MKI67: variants seen among roughly 807,000 people sequenced by gnomAD.
MKI67 encodes proliferation marker protein Ki-67.
In MKI67, 152 loss-of-function variants were observed where a neutral mutation model predicts 233.5. The observed-to-expected ratio is 0.65, with a 90% confidence interval of 0.57 to 0.74. The LOEUF is 0.74. Among genes scored for constraint, MKI67 ranks in the 30% least tolerant of loss-of-function variants. The pLI is 0.00. For synonymous variants in MKI67, 1,465 were observed against 1,418.5 expected (o/e 1.03, Z -0.74); for missense variants, 3,940 against 3,885.2 (o/e 1.01, Z -0.37).
chr10:128,116,447 C>A (rs368574413), intron 6 of MKI67, 44 bp downstream of exon 6: 2 of 1,570,860 alleles, frequency 1.3e-6, no homozygotes, highest in East Asian at 2.2e-5. Context: ...TTCGCAAAGA[C>A]CTGATCTTTC....
intron 13 of MKI67, 118 bp downstream of exon 13, chr10:128,102,461 A>G: frequency 7.7e-7 from 1 of 1,296,426 alleles, no homozygotes; most frequent in Admixed American, 2.1e-5. Context: ...TCAGTGTTAA[A>G]GGAAACCCTC....
In MKI67 at chr10:128,098,789, A is replaced by T. The variant is rs539007235; in HGVS notation, c.*401T>A. 1 of 157,790 alleles carries T rather than the reference A, an allele frequency of 6.3e-6. No homozygotes were observed. Among genetic ancestry groups the T allele is most frequent in the East Asian group, 1.9e-4 (1 of 5,340 alleles). 9.8% of individuals were successfully genotyped at this position (157,790 alleles called of 1,614,324 possible). On this transcript the variant is annotated 3_prime_UTR_variant, in exon 15 of 15. Transcript: ENST00000368654. ...ATTCGTGTTTACCGAGTGCCTGCTC[A>T]GTGTTGGGACAGACGAGGATAGTTG...
chr10:128,125,734 G>GGT lies in MKI67; in HGVS notation c.-68_-67insAC. 5.1e-6 allele frequency: 7 copies of GGT among 1,361,830 alleles called. No homozygotes were observed. Among genetic ancestry groups the GGT allele is most frequent in the Non-Finnish European group, 7.4e-6 (7 of 950,884 alleles). The allele number at this position is 1,361,830 out of a possible 1,614,324, so 84.4% of individuals were successfully genotyped here. A position where few individuals can be genotyped will look rare whatever the true frequency, so the allele number is the denominator to read the frequency against. ...AGGTATAATCCGTAGGGGAAGGCCA[G>GGT]AAGCAAATTTACAACTCTTCCACTG... On this transcript the variant is annotated 5_prime_UTR_variant, in exon 2 of 15. Coordinates refer to ENST00000368654, the MANE Select transcript of MKI67 (RefSeq NM_002417.5). The surrounding 1 kb of genome is among the most constrained non-coding windows in gnomAD (Gnocchi z 5.3).
intron 14 of MKI67, among the ~76,000 whole-genome samples, chr10:128,100,061 A>G (rs1183501831): frequency 6.6e-6 from 1 of 151,982 alleles, no homozygotes; most frequent in Non-Finnish European, 1.5e-5. Flanking sequence ...TTATTGTAAG[A>G]CTCGACGGGT....
In MKI67 at chr10:128,108,974, G is replaced by T; in HGVS notation, c.2866C>A (p.Gln956Lys). The part of the protein sequence containing the change: ...KAMKRSRTWG[Q>K]KCAPMSDLTD... The stretch of plus-strand genomic sequence containing the variant: ...AGGTCAGACATTGGTGCACATTTCT[G>T]CCCCCAAGTTCTTGATCTCTTCATT... The change falls in exon 13 of 15, where the codon CAG (glutamine) becomes AAG (lysine). Residue 956 changes from glutamine to lysine, a missense_variant. By Grantham distance (53) the Gln-to-Lys change is moderately conservative (BLOSUM62 1). Coordinates refer to ENST00000368654, the MANE Select transcript of MKI67 (RefSeq NM_002417.5). 1.2e-6 allele frequency: 2 copies of T among 1,614,140 alleles called. No homozygotes were observed. Among genetic ancestry groups the T allele is most frequent in the South Asian group, 1.1e-5 (1 of 91,082 alleles).
At position 128,108,576 on chromosome 10, in the gene MKI67, C is replaced by A. The variant is rs751214256; in HGVS notation, c.3264G>T (p.Trp1088Cys). The change falls in exon 13 of 15, where the codon TGG (tryptophan) becomes TGT (cysteine). Residue 1088 changes from tryptophan (W) to cysteine (C), a missense_variant. Coordinates refer to ENST00000368654, the MANE Select transcript of MKI67 (RefSeq NM_002417.5). ...GGGCCTCTTCCTTAGGCGTTCTTGG[C>A]CACTTCTTCATTCCAGTTACACGGG... is the stretch of plus-strand genomic sequence containing the variant. ...PAARVTGMKKWPRTPKEEAQS... is the reference protein window; with the variant it reads ...PAARVTGMKKCPRTPKEEAQS... 7 of 1,614,070 alleles carry A rather than the reference C, an allele frequency of 4.3e-6. No individual in the cohort carries two copies. In the Admixed American group the frequency reaches 6.7e-5, roughly 15 times the overall value.
At position 128,103,565 on chromosome 10, in the gene MKI67, C is replaced by T; in HGVS notation, c.8275G>A (p.Glu2759Lys). The change falls in exon 13 of 15, where the codon GAA (glutamate) becomes AAA (lysine). Residue 2759 changes from glutamate to lysine, a missense_variant. Coordinates refer to ENST00000368654, the MANE Select transcript of MKI67 (RefSeq NM_002417.5). ...TTCAATGCTTTGATGCCTTTATCTT[C>T]ACCTGCTGGTTCTTTGTCTGCATCC... Reference protein sequence around the residue: ...TTDADKEPAGEDKGIKALKES... With the variant: ...TTDADKEPAGKDKGIKALKES... The T allele has an allele frequency of 1.2e-6, 2 of 1,613,974 alleles. No individual in the cohort carries two copies. Among genetic ancestry groups the T allele is most frequent in the South Asian group, 2.2e-5 (2 of 91,076 alleles).
chr10:128,112,488 T>C lies in MKI67; in HGVS notation c.1657-43A>G, dbSNP rs781200260. 3.2e-6 allele frequency: 5 copies of C among 1,566,066 alleles called. No homozygotes were observed. The South Asian group carries it at 5.6e-5, about 18-fold the overall frequency. Reference sequence around the variant, plus strand: ...TTTACAAGAAGCCTTAACAAGGATCTAACATCTCTGGAATGACTGATAAAA... The same window carrying C: ...TTTACAAGAAGCCTTAACAAGGATCCAACATCTCTGGAATGACTGATAAAA... On this transcript the variant is annotated intron_variant, in intron 8 of 14. Transcript: ENST00000368654.
At chr10:128,123,190 T>C (rs1666565280) in intron 2 of MKI67, 21 bp from the exon 3 acceptor site, 4 of 1,569,062 alleles carry the variant, frequency 2.5e-6, no homozygotes, top group Middle Eastern at 1.7e-4. Flanking sequence ...AAGAAGAAGG[T>C]TTTTTTGGTT....
rs199593811 is a variant in MKI67 at position 128,107,390 on chromosome 10, T to C, written c.4450A>G (p.Thr1484Ala). 3.7e-4 allele frequency: 591 copies of C among 1,613,728 alleles called. 4 individuals are homozygous for C. The highest frequency in any genetic ancestry group is 1.1e-3 in the South Asian group (98 of 91,060). ...FQTPVCTDKP[T>A]THEKTTKIAC... ...ATTTTGGTAGTTTTCTCGTGAGTCG[T>C]GGGCTTGTCAGTGCATACTGGTGTC... Residue 1484 changes from threonine to alanine, a missense_variant, in exon 13 of 15, where the codon ACG becomes GCG. By Grantham distance (58) the Thr-to-Ala change is moderately conservative. Coordinates refer to ENST00000368654, the MANE Select transcript of MKI67 (RefSeq NM_002417.5).
rs201149066 is a variant in MKI67 at position 128,104,703 on chromosome 10, T to C, written c.7137A>G (p.Arg2379=). Residue 2379 remains arginine, a synonymous_variant, in exon 13 of 15, where the codon CGA becomes CGG. Coordinates refer to ENST00000368654, the MANE Select transcript of MKI67 (RefSeq NM_002417.5). Reference sequence around the variant, plus strand: ...CCATGGCTTTGCCTGCTGATGGTGTTCGTTTCCTGAGTGCTAAAAATTCTT... The same window carrying C: ...CCATGGCTTTGCCTGCTGATGGTGTCCGTTTCCTGAGTGCTAAAAATTCTT... ...VEEEFLALRK[R]TPSAGKAMDT... is the part of the protein sequence containing the mutation. The C allele has an allele frequency of 8.2e-5, 132 of 1,614,016 alleles. No homozygotes were observed. Among genetic ancestry groups the C allele is most frequent in the Non-Finnish European group, 1.1e-4 (127 of 1,180,044 alleles).
At chr10:128,116,674 A>C (rs539558813) in intron 5 of MKI67, 138 bp from the exon 6 acceptor site, 1 of 726,288 alleles carries the variant, frequency 1.4e-6, no homozygotes, top group African/African-American at 1.8e-5. Context: ...TGGGAGGCCA[A>C]GGTGGGCGGA....
chr10:128,108,746 C>A lies in MKI67; in HGVS notation c.3094G>T (p.Val1032Leu). ...GCTAGGAGCTCTTCTTTCACACCTA[C>A]TTTCCCCAGGGATGCCTTCAACTGT... ...KQQLKASLGK[V>L]GVKEELLAVG... The change falls in exon 13 of 15, where the codon GTA becomes TTA. Residue 1032 changes from valine to leucine, a missense_variant. Transcript: ENST00000368654. The A allele has an allele frequency of 6.2e-6, 10 of 1,614,232 alleles. No individual in the cohort carries two copies. The highest frequency in any genetic ancestry group is 7.6e-6 in the Non-Finnish European group (9 of 1,180,044).
At position 128,101,602 on chromosome 10, in the gene MKI67, C is replaced by A. The variant is rs1005104104; in HGVS notation, c.9361G>T (p.Glu3121Ter). The change falls in exon 14 of 15, where the codon GAA becomes TAA. Residue 3121 changes from glutamate (E) to a stop codon, truncating the protein, a stop_gained. Coordinates refer to ENST00000368654, the MANE Select transcript of MKI67 (RefSeq NM_002417.5). LOFTEE classifies it high-confidence loss of function. ...LAERIEINRNEKKPMKTSPEM... is the reference protein window; with the variant it reads ...LAERIEINRN ...GGGGAGGTCTTCATGGGCTTCTTTT[C>A]ATTTCTGTTTATTTCTATTCTTTCT... is the stretch of plus-strand genomic sequence containing the variant. 6.2e-7 allele frequency: 1 copy of A among 1,614,138 alleles called. No homozygotes were observed.
intron 4 of MKI67, 97 bp from the exon 5 acceptor site, chr10:128,119,416 CTTTGGGTTT>C: frequency 1.2e-6 from 1 of 808,420 alleles, no homozygotes; most frequent in Non-Finnish European, 2.0e-6. Flanking sequence ...AACGAACAAA[CTTTGGGTTT>C]AGTTCAAGAC....
At chr10:128,123,362 T>C (rs1852991121) in intron 2 of MKI67, among the ~76,000 whole-genome samples, 193 bp from the exon 3 acceptor site, 1 of 152,176 alleles carries the variant, frequency 6.6e-6, no homozygotes, top group African/African-American at 2.4e-5. Context: ...AACATGTAAC[T>C]ATTAGATCTT....
In MKI67 at chr10:128,125,311, TACATCTTTCTTTACCGCA is replaced by T. The variant is rs1853031707; in HGVS notation, c.92+247_92+264del. Among the ~76,000 whole-genome samples, 1 of 152,206 alleles carries T rather than the reference TACATCTTTCTTTACCGCA, an allele frequency of 6.6e-6. No homozygotes were observed. Among genetic ancestry groups the T allele is most frequent in the Admixed American group, 6.5e-5 (1 of 15,290 alleles). The stretch of plus-strand genomic sequence containing the variant: ...CAGCCAGTGACATATGAAGATCATC[TACATCTTTCTTTACCGCA>T]ACATTAGCAAATCGATTTTTTTAAT... On this transcript the variant is annotated intron_variant, in intron 2 of 14. Transcript: ENST00000368654. The surrounding 1 kb of genome is among the most constrained non-coding windows in gnomAD (Gnocchi z 5.3).
chr10:128,122,997 C>T lies in MKI67; in HGVS notation c.172-1G>A, dbSNP rs746555498. 2 of 1,592,040 alleles carry T rather than the reference C, an allele frequency of 1.3e-6. No individual in the cohort carries two copies. Among genetic ancestry groups the T allele is most frequent in the Non-Finnish European group, 1.7e-6 (2 of 1,160,948 alleles). ...TGGAACTGAAATTATGTAATATTGC[C>T]TGCAAGTGAAAAGAAGGGGAAATAT... On this transcript the variant is annotated splice_acceptor_variant, in intron 3 of 14. Transcript: ENST00000368654. LOFTEE classifies it high-confidence loss of function.
At chr10:128,102,334 T>A (rs1284160156) in intron 13 of MKI67, among the ~76,000 whole-genome samples, 2 of 152,256 alleles carry the variant, frequency 1.3e-5, no homozygotes, top group African/African-American at 4.8e-5. Context: ...ATTACTCATT[T>A]GGCTTTTGAG....
Sources: allele counts gnomAD v4.1 joint callset (sites outside exome capture counted in the v4.1 genomes callset), GRCh38; gene constraint gnomAD v4.1.1; non-coding constraint Gnocchi (gnomAD v3.1); transcripts MANE v1.5; gene names NCBI Gene and HGNC (gene_info 2026-07-23, HGNC 2026-07-21).